The following EVA1C variants were observed in gnomAD, a reference collection of about 807,000 sequenced individuals.
The protein encoded by EVA1C is protein eva-1 homolog C.
In EVA1C, 25 loss-of-function variants were observed where a neutral mutation model predicts 45.4. The ratio of observed to expected loss-of-function variants is 0.55; its 90% CI spans 0.40 to 0.77. EVA1C has a LOEUF of 0.77. Ranked by LOEUF, EVA1C falls within the 30% of genes least tolerant of loss-of-function variation. EVA1C has a pLI of 0.00. For synonymous variants in EVA1C, 190 were observed against 221.2 expected, an observed-to-expected ratio of 0.86 and a Z score of 1.25; for missense variants, 479 against 554.8, an observed-to-expected ratio of 0.86 and a Z score of 1.37.
chr21:32,509,038 T>G (rs552404643), intron 7 of EVA1C, among the ~76,000 whole-genome samples: 2 of 152,338 alleles, frequency 1.3e-5, no homozygotes, highest in South Asian at 4.1e-4. Context: ...CACAAAAGTA[T>G]AAAGTAGTCC....
intron 4 of EVA1C, chr21:32,493,773 TA>T (rs2037247195): frequency 1.3e-5 from 1 of 75,166 alleles, no homozygotes. Context: ...GTAGGCTTTT[TA>T]TTTATTTATT....
chr21:32,472,861 G>A (rs1464518186), intron 4 of EVA1C, among the ~76,000 whole-genome samples: 1 of 152,200 alleles, frequency 6.6e-6, no homozygotes, highest in African/African-American at 2.4e-5. Flanking sequence ...CAGAGTGAAA[G>A]CCTGCTCGCC....
At chr21:32,428,969 A>G (rs2034591717) in intron 1 of EVA1C, among the ~76,000 whole-genome samples, 1 of 152,052 alleles carries the variant, frequency 6.6e-6, no homozygotes, top group Admixed American at 6.5e-5. Flanking sequence ...TTCAGGGTCC[A>G]AGGCTGATTC....
chr21:32,426,296 C>T (rs750894581), intron 1 of EVA1C, among the ~76,000 whole-genome samples: 214 of 152,090 alleles, frequency 1.4e-3, no homozygotes, highest in Non-Finnish European at 2.6e-3. Context: ...GCTCACTTGA[C>T]GTGCGAGGAT....
At chr21:32,478,484 G>A (rs901080948) in intron 4 of EVA1C, among the ~76,000 whole-genome samples, 20 of 152,204 alleles carry the variant, frequency 1.3e-4, no homozygotes, top group African/African-American at 4.1e-4. Flanking sequence ...GCCTCCCAAA[G>A]TGCTGGGATT....
At chr21:32,513,997 A>T (rs2038056109) in intron 7 of EVA1C, among the ~76,000 whole-genome samples, 1 of 152,206 alleles carries the variant, frequency 6.6e-6, no homozygotes, top group South Asian at 2.1e-4. Flanking sequence ...TATTCCCAAA[A>T]CAATACATGG....
chr21:32,455,953 C>T (rs888339670), intron 2 of EVA1C, among the ~76,000 whole-genome samples: 4 of 152,106 alleles, frequency 2.6e-5, no homozygotes, highest in East Asian at 1.9e-4. Context: ...AGTGCAATGG[C>T]GCAATCTCGG....
intron 5 of EVA1C, chr21:32,496,757 G>T: frequency 3.1e-6 from 2 of 651,704 alleles, no homozygotes; most frequent in South Asian, 1.7e-5. Flanking sequence ...TTTGGCCGGG[G>T]ACCGGGAAAG....
intron 1 of EVA1C, among the ~76,000 whole-genome samples, chr21:32,449,099 C>T (rs1321765569): frequency 1.3e-5 from 2 of 152,092 alleles, no homozygotes; most frequent in African/African-American, 4.8e-5. Flanking sequence ...GCAGAGTTTT[C>T]ATCAACCTCT....
rs376731774 is a variant in EVA1C, at chr21:32,449,695, C to T, written c.161-3617C>T. On this transcript the variant is annotated intron_variant, in intron 1 of 7. Transcript: ENST00000300255. ...GGAGTGCAGTGGCACGATCTCGGCT[C>T]ACTGCAGCCTCTGCCTCCAGTGTTC... is the stretch of plus-strand genomic sequence containing the variant. Among the ~76,000 whole-genome samples the T allele has an allele frequency of 4.0e-4, 60 of 151,654 alleles. No homozygotes were observed. The South Asian group carries it at 0.012, about 31-fold the overall frequency.
intron 4 of EVA1C, among the ~76,000 whole-genome samples, chr21:32,468,332 A>G (rs948884509): frequency 2.6e-5 from 4 of 151,732 alleles, no homozygotes; most frequent in Admixed American, 6.6e-5. Flanking sequence ...TCGTGCCATT[A>G]TTGCGCTCCA....
chr21:32,450,579 G>T (rs1264037783), intron 1 of EVA1C, among the ~76,000 whole-genome samples: 2 of 152,124 alleles, frequency 1.3e-5, no homozygotes, highest in Non-Finnish European at 2.9e-5. Context: ...AAGTATAGGG[G>T]TGCCAGCCTG....
At chr21:32,426,780 T>C (rs1393850300) in intron 1 of EVA1C, among the ~76,000 whole-genome samples, 1 of 152,108 alleles carries the variant, frequency 6.6e-6, no homozygotes, top group Non-Finnish European at 1.5e-5. Context: ...CCTCCCTCCA[T>C]CACCCCTTCA....
At chr21:32,448,975 G>T (rs1045864159) in intron 1 of EVA1C, among the ~76,000 whole-genome samples, 1 of 143,492 alleles carries the variant, frequency 7.0e-6, no homozygotes, top group African/African-American at 2.6e-5. Context: ...GAAAAAGAAA[G>T]AAAGAAAGAG....
intron 4 of EVA1C, among the ~76,000 whole-genome samples, chr21:32,487,719 CAA>C (rs61448371): frequency 2.9e-4 from 35 of 119,512 alleles, no homozygotes; most frequent in South Asian, 5.4e-4. Context: ...GACTCCATCT[CAA>C]AAAAAAAAAA....
In EVA1C at chr21:32,412,713, C is replaced by G. The variant is rs2033866617; in HGVS notation, c.-141C>G. On this transcript the variant is annotated 5_prime_UTR_variant, in exon 1 of 8. Transcript: ENST00000300255. ...GGGCTGGCCCGCGCAGGGGAGGAGG[C>G]TCTGGCAGCCTGGGCAGGGAGGCGG... The G allele has an allele frequency of 2.3e-6, 2 of 859,528 alleles. No homozygotes were observed. The highest frequency in any genetic ancestry group is 3.2e-6 in the Non-Finnish European group (2 of 625,688). 53.2% of individuals were successfully genotyped at this position (859,528 alleles called of 1,614,324 possible).
intron 2 of EVA1C, among the ~76,000 whole-genome samples, chr21:32,456,301 C>G (rs1300246871): frequency 6.6e-6 from 1 of 152,160 alleles, no homozygotes; most frequent in Admixed American, 6.5e-5. Context: ...CTGATCCATC[C>G]CTTGACTGTC....
intron 1 of EVA1C, among the ~76,000 whole-genome samples, chr21:32,422,070 A>C (rs2034301344): frequency 6.8e-6 from 1 of 146,872 alleles, no homozygotes; most frequent in Non-Finnish European, 1.5e-5. Context: ...AAAAGAGGGA[A>C]TCTAAAAAGA....
At chr21:32,439,348 C>T (rs1261846899) in intron 1 of EVA1C, among the ~76,000 whole-genome samples, 1 of 151,922 alleles carries the variant, frequency 6.6e-6, no homozygotes, top group Non-Finnish European at 1.5e-5. Context: ...GCCCTTGGGG[C>T]CATTTGGTGA....
Sources: allele counts gnomAD v4.1 joint callset (sites outside exome capture counted in the v4.1 genomes callset), GRCh38; gene constraint gnomAD v4.1.1; transcripts MANE v1.5; gene names NCBI Gene and HGNC (gene_info 2026-07-23, HGNC 2026-07-21).